THAP1: variants seen among roughly 807,000 people sequenced by gnomAD.
THAP1 encodes THAP domain containing 1, also known as THAP domain-containing protein 1.
Under a neutral mutation model 18.2 loss-of-function variants are expected in THAP1, and 6 were observed. The ratio of observed to expected loss-of-function variants is 0.33; its 90% CI spans 0.18 to 0.65. The LOEUF is 0.65. THAP1 is among the 30% of genes least tolerant of loss of function. The pLI is 0.74. For missense variants in THAP1, 176 were observed against 253.0 expected, an observed-to-expected ratio of 0.70 and a Z score of 2.06; for synonymous variants, 85 against 90.5, an observed-to-expected ratio of 0.94 and a Z score of 0.34.
chr8:42,839,513 A>T, intron 1 of THAP1, 132 bp from the exon 2 acceptor site: 1 of 938,370 alleles, frequency 1.1e-6, no homozygotes, highest in Admixed American at 2.7e-5. Context: ...ATTGGATTAA[A>T]GATTAGCTCT....
chr8:42,839,354 A>G lies in THAP1; in HGVS notation c.99T>C (p.Cys33=), dbSNP rs1586457101. ...TTCTGACAGCTGCCTCCCATTCTTTACAAAGACTGGGTCGAGTAAGAGGAA... is the reference window on the plus strand; with the variant it reads ...TTCTGACAGCTGCCTCCCATTCTTTGCAAAGACTGGGTCGAGTAAGAGGAA... ...HKFPLTRPSL[C]KEWEAAVRRK... Residue 33 remains cysteine, a synonymous_variant, in exon 2 of 3, where the codon TGT becomes TGC. Coordinates refer to ENST00000254250, the MANE Select transcript of THAP1 (RefSeq NM_018105.3). The G allele has an allele frequency of 3.1e-6, 5 of 1,613,956 alleles. No individual in the cohort carries two copies. Among genetic ancestry groups the G allele is most frequent in the Admixed American group, 3.3e-5 (2 of 59,998 alleles).
In THAP1 at chr8:42,839,202, G is replaced by A. The variant is rs760064965; in HGVS notation, c.251C>T (p.Thr84Ile). ...GCATATTACCTTGTCATGTGGCTCA[G>A]TACAAAGAAATATTGTGGGCACAGC... Reference protein sequence around the residue: ...ENAVPTIFLCTEPHDKKEDLL... With the variant: ...ENAVPTIFLCIEPHDKKEDLL... The change falls in exon 2 of 3, where the codon ACT becomes ATT. Residue 84 changes from threonine to isoleucine, a missense_variant. Thr to Ile is a moderately conservative substitution (Grantham distance 89). Coordinates refer to ENST00000254250, the MANE Select transcript of THAP1 (RefSeq NM_018105.3). 4 of 1,614,044 alleles carry A rather than the reference G, an allele frequency of 2.5e-6. No individual in the cohort carries two copies. The South Asian group carries it at 3.3e-5, about 13-fold the overall frequency.
chr8:42,840,411 C>A (rs1802695110), intron 1 of THAP1, among the ~76,000 whole-genome samples: 1 of 152,040 alleles, frequency 6.6e-6, no homozygotes. Context: ...TCCATTAGGC[C>A]CAGGTAAACG....
At chr8:42,841,296 T>A in intron 1 of THAP1, among the ~76,000 whole-genome samples, 1 of 120,318 alleles carries the variant, frequency 8.3e-6, no homozygotes, top group African/African-American at 3.1e-5. Flanking sequence ...AGTTGTATCT[T>A]TTTTTTTTTT....
chr8:42,837,231 CCTTA>C lies in THAP1; in HGVS notation c.*727_*730del, dbSNP rs1802629877. 6.6e-6 allele frequency: 1 copy of C among 152,056 alleles called. No homozygotes were observed. Among genetic ancestry groups the C allele is most frequent in the Non-Finnish European group, 1.5e-5 (1 of 68,022 alleles). The allele number at this position is 152,056 out of a possible 1,614,324, so 9.4% of individuals were successfully genotyped here. The stretch of plus-strand genomic sequence containing the variant: ...TTTAATTACTTCATTGATGACAATG[CCTTA>C]CTTTATTTATTGAAAAATGTTTCTT... On this transcript the variant is annotated 3_prime_UTR_variant, in exon 3 of 3. Coordinates refer to ENST00000254250, the MANE Select transcript of THAP1 (RefSeq NM_018105.3).
chr8:42,842,866 G>C lies in THAP1; in HGVS notation c.71+158C>G, dbSNP rs1802750217. The C allele has an allele frequency of 1.2e-5, 5 of 432,866 alleles. No homozygotes were observed. The South Asian group carries it at 3.1e-4, about 27-fold the overall frequency. 26.8% of individuals were successfully genotyped at this position (432,866 alleles called of 1,614,324 possible). A position where few individuals can be genotyped will look rare whatever the true frequency, so the allele number is the denominator to read the frequency against. On this transcript the variant is annotated intron_variant, in intron 1 of 2. Coordinates refer to ENST00000254250, the MANE Select transcript of THAP1 (RefSeq NM_018105.3). ...CGCCGAGAACGCGCGATCGGGCGGC[G>C]GTTCCCAGCGGGACGCGGTGGGAAA... is the stretch of plus-strand genomic sequence containing the variant.
chr8:42,843,205 A>G lies in THAP1; in HGVS notation c.-111T>C, dbSNP rs774107588. On this transcript the variant is annotated 5_prime_UTR_variant, in exon 1 of 3. Transcript: ENST00000254250. ...CTCGCTTCTTTTGTAGCTTTGGCCA[A>G]CAGTTACAGTGATGGTGGCCTCCCT... The G allele has an allele frequency of 6.4e-5, 85 of 1,334,838 alleles. No homozygotes were observed. Among genetic ancestry groups the G allele is most frequent in the Non-Finnish European group, 9.1e-5 (85 of 934,004 alleles). The allele number at this position is 1,334,838 out of a possible 1,614,324, so 82.7% of individuals were successfully genotyped here.
At chr8:42,841,880 T>A (rs979721147) in intron 1 of THAP1, among the ~76,000 whole-genome samples, 2 of 152,020 alleles carry the variant, frequency 1.3e-5, no homozygotes, top group Non-Finnish European at 2.9e-5. Flanking sequence ...GACCTCTCTA[T>A]GTTCTACACA....
chr8:42,842,605 T>C (rs1802740160), intron 1 of THAP1: 1 of 152,388 alleles, frequency 6.6e-6, no homozygotes, highest in Non-Finnish European at 1.5e-5. Context: ...TGGCCTCCCA[T>C]CCACGGCAAG....
Position 42,837,726 on chromosome 8 carries a change from AG to A in THAP1, c.*235del. 1 of 291,372 alleles carries A rather than the reference AG, an allele frequency of 3.4e-6. No homozygotes were observed. Among genetic ancestry groups the A allele is most frequent in the Non-Finnish European group, 6.1e-6 (1 of 164,668 alleles). 18.0% of individuals were successfully genotyped at this position (291,372 alleles called of 1,614,324 possible). A position where few individuals can be genotyped will look rare whatever the true frequency, so the allele number is the denominator to read the frequency against. On this transcript the variant is annotated 3_prime_UTR_variant, in exon 3 of 3. Coordinates refer to ENST00000254250, the MANE Select transcript of THAP1 (RefSeq NM_018105.3). Reference sequence around the variant, plus strand: ...CCCAATCTTGAAACCAACTTACATTAGAGGTCTGAGGTTAGTTTATAACTTT... The same window carrying A: ...CCCAATCTTGAAACCAACTTACATTAAGGTCTGAGGTTAGTTTATAACTTT...
At position 42,843,194 on chromosome 8, in the gene THAP1, A is replaced by T; in HGVS notation, c.-100T>A. ...GGTTGGATTCCCTCGCTTCTTTTGT[A>T]GCTTTGGCCAACAGTTACAGTGATG... On this transcript the variant is annotated 5_prime_UTR_variant, in exon 1 of 3. Transcript: ENST00000254250. The T allele has an allele frequency of 6.8e-7, 1 of 1,467,226 alleles. No individual in the cohort carries two copies. Among genetic ancestry groups the T allele is most frequent in the Non-Finnish European group, 9.5e-7 (1 of 1,052,132 alleles). The allele number at this position is 1,467,226 out of a possible 1,614,324, so 90.9% of individuals were successfully genotyped here.
intron 2 of THAP1, 149 bp downstream of exon 2, chr8:42,839,037 T>C (rs1165736711): frequency 1.2e-6 from 1 of 831,528 alleles, no homozygotes; most frequent in East Asian, 2.7e-5. Context: ...ATAAACTGCA[T>C]TTTGTGTTTT....
chr8:42,841,399 C>G (rs1802715212), intron 1 of THAP1, among the ~76,000 whole-genome samples: 1 of 144,180 alleles, frequency 6.9e-6, no homozygotes, highest in African/African-American at 2.6e-5. Context: ...ATCCCAGGTT[C>G]AAGTGATTCC....
chr8:42,842,653 T>G (rs1244542147), intron 1 of THAP1: 1 of 154,446 alleles, frequency 6.5e-6, no homozygotes, highest in Non-Finnish European at 1.4e-5. Context: ...AAGGCCTTTG[T>G]TTCTATTTTA....
intron 1 of THAP1, among the ~76,000 whole-genome samples, chr8:42,841,059 C>T: frequency 6.6e-6 from 1 of 151,180 alleles, no homozygotes; most frequent in East Asian, 1.9e-4. Flanking sequence ...AAATTCAGTA[C>T]CTATGGCCTC....
Position 42,838,217 on chromosome 8 carries a change from G to C in THAP1, c.387C>G (p.Leu129=). ...TATAGTTGTGGTCACAGAAAACTGA[G>C]AGATTAACAGGGGTCTGAAGAGGCG... ...LMPPLQTPVN[L]SVFCDHNYTV... is the part of the protein sequence containing the mutation. The change falls in exon 3 of 3, where the codon CTC becomes CTG. Residue 129 remains leucine (L), a synonymous_variant. Transcript: ENST00000254250. The C allele has an allele frequency of 6.2e-7, 1 of 1,614,148 alleles. No individual in the cohort carries two copies. The highest frequency in any genetic ancestry group is 1.1e-5 in the South Asian group (1 of 91,082).
Position 42,839,479 on chromosome 8 carries a change from A to G in THAP1, c.72-98T>C, listed in dbSNP as rs1303135233. The G allele has an allele frequency of 3.5e-6, 4 of 1,149,044 alleles. No individual in the cohort carries two copies. In the East Asian group the frequency reaches 9.6e-5, roughly 27 times the overall value. The allele number at this position is 1,149,044 out of a possible 1,614,324, so 71.2% of individuals were successfully genotyped here. A position where few individuals can be genotyped will look rare whatever the true frequency, so the allele number is the denominator to read the frequency against. On this transcript the variant is annotated intron_variant, in intron 1 of 2. Coordinates refer to ENST00000254250, the MANE Select transcript of THAP1 (RefSeq NM_018105.3). ...TAGGAAATATCTTACATTGGTATTA[A>G]AGATGTTACAATTGTATTATCCTAT...
chr8:42,842,431 A>T (rs1802737017), intron 1 of THAP1: 1 of 152,128 alleles, frequency 6.6e-6, no homozygotes, highest in Non-Finnish European at 1.5e-5. Context: ...CCATGTTGTA[A>T]CTGTCCATAT....
chr8:42,842,757 C>G (rs995291592), intron 1 of THAP1: 5 of 182,680 alleles, frequency 2.7e-5, no homozygotes, highest in Non-Finnish European at 4.5e-5. Context: ...CCGTGGGCTC[C>G]GAACGCGTCA....
Sources: gnomAD v4.1 joint callset for allele counts (sites outside exome capture counted in the v4.1 genomes callset) on GRCh38, gnomAD v4.1.1 for gene constraint, MANE v1.5 for transcripts, NCBI Gene and HGNC (gene_info 2026-07-23, HGNC 2026-07-21) for gene names.